The following WDR62 variants were observed in gnomAD, a reference collection of about 807,000 sequenced individuals.
WDR62 encodes the protein WD repeat-containing protein 62.
Under a neutral mutation model 160.6 loss-of-function variants are expected in WDR62, and 112 were observed. The ratio of observed to expected loss-of-function variants is 0.70; its 90% CI spans 0.60 to 0.82. The LOEUF is 0.82. Ranked by LOEUF, WDR62 falls within the 40% of genes least tolerant of loss-of-function variation. The pLI is 0.00. For missense variants in WDR62, 1,819 were observed against 1,983.8 expected, an observed-to-expected ratio of 0.92 and a Z score of 1.58; for synonymous variants, 792 against 815.1, an observed-to-expected ratio of 0.97 and a Z score of 0.48.
intron 3 of WDR62, among the ~76,000 whole-genome samples, chr19:36,063,714 T>A (rs1046982388): frequency 9.2e-5 from 14 of 152,364 alleles, no homozygotes; most frequent in Admixed American, 8.5e-4. Context: ...GGAGGTCTCC[T>A]ATGACTGGTG....
chr19:36,084,858 T>C lies in WDR62; in HGVS notation c.1642+114T>C, dbSNP rs376613959. 6 of 998,642 alleles carry C rather than the reference T, an allele frequency of 6.0e-6. No homozygotes were observed. In the East Asian group the frequency reaches 1.0e-4, roughly 17 times the overall value. 61.9% of individuals were successfully genotyped at this position (998,642 alleles called of 1,614,324 possible). A position where few individuals can be genotyped will look rare whatever the true frequency, so the allele number is the denominator to read the frequency against. On this transcript the variant is annotated intron_variant, in intron 12 of 31. Transcript: ENST00000401500. The stretch of plus-strand genomic sequence containing the variant: ...GGACTGTGGATGACAGCTGGGAGTT[T>C]TGTGTTCGGTAAGGGCCCCTGTAGC...
At chr19:36,098,962 C>T (rs1159702493) in intron 21 of WDR62, among the ~76,000 whole-genome samples, 3 of 152,138 alleles carry the variant, frequency 2.0e-5, no homozygotes, top group Non-Finnish European at 2.9e-5. Flanking sequence ...TGGCTCATGC[C>T]TGTAATCCCA....
intron 1 of WDR62, among the ~76,000 whole-genome samples, chr19:36,058,134 C>T (rs1171965259): frequency 6.6e-6 from 1 of 152,134 alleles, no homozygotes; most frequent in Non-Finnish European, 1.5e-5. Context: ...GGTGTATCAC[C>T]TGAGGTCAGG....
intron 25 of WDR62, 103 bp downstream of exon 25, chr19:36,101,877 G>C: frequency 6.5e-7 from 1 of 1,528,804 alleles, no homozygotes; most frequent in Non-Finnish European, 8.9e-7. Flanking sequence ...CACTGAGCCT[G>C]GAAGACGGGG....
At chr19:36,063,478 C>T (rs1041752803) in intron 3 of WDR62, among the ~76,000 whole-genome samples, 3 of 151,858 alleles carry the variant, frequency 2.0e-5, no homozygotes, top group Admixed American at 1.3e-4. Context: ...GTCACGAACT[C>T]CTGACCTCGT....
chr19:36,080,681 C>T (rs886254697), intron 9 of WDR62, among the ~76,000 whole-genome samples: 1 of 151,788 alleles, frequency 6.6e-6, no homozygotes, highest in Admixed American at 6.6e-5. Flanking sequence ...TCTCAAACTC[C>T]TGACCTCAGG....
rs146394160 is a variant in WDR62, at chr19:36,103,748, G to A, written c.3920G>A (p.Gly1307Glu). The A allele has an allele frequency of 2.5e-6, 4 of 1,611,294 alleles. No individual in the cohort carries two copies. The highest frequency in any genetic ancestry group is 3.4e-6 in the Non-Finnish European group (4 of 1,179,952). ...CTGACCCTGTCAAGTGCCTGTGATG[G>A]GCTCCTGCAGCCCCCCGTGGATACC... is the stretch of plus-strand genomic sequence containing the variant. ...LRLTLSSACD[G>E]LLQPPVDTQP... Residue 1307 changes from glycine to glutamate, a missense_variant, in exon 30 of 32, where the codon GGG becomes GAG. Physicochemically the swap from Gly to Glu is moderately conservative, Grantham distance 98. Transcript: ENST00000401500.
In WDR62 at chr19:36,066,291, TGGA is replaced by T. The variant is rs778884128; in HGVS notation, c.430_432del (p.Glu144del). ...AGGCCTGCTGTGCGCATCTGGGATG[TGGA>T]GGAGAAGAATCAGGTGGCGGAGATG... On this transcript the variant is annotated inframe_deletion, in exon 5 of 32. Coordinates refer to ENST00000401500, the MANE Select transcript of WDR62 (RefSeq NM_001083961.2). 6.8e-6 allele frequency: 11 copies of T among 1,614,074 alleles called. No homozygotes were observed. Among genetic ancestry groups the T allele is most frequent in the East Asian group, 6.7e-5 (3 of 44,898 alleles).
chr19:36,056,560 C>A (rs1319318209), intron 1 of WDR62, among the ~76,000 whole-genome samples: 1 of 152,182 alleles, frequency 6.6e-6, no homozygotes, highest in Non-Finnish European at 1.5e-5. Context: ...CTTCTCGAAC[C>A]CCATTCTAAA....
chr19:36,108,626 G>A (rs1358541289), downstream of WDR62, among the ~76,000 whole-genome samples: 1 of 152,150 alleles, frequency 6.6e-6, no homozygotes, highest in Non-Finnish European at 1.5e-5. Flanking sequence ...GCCAAGGCAG[G>A]CAGACGGTTT....
intron 7 of WDR62, among the ~76,000 whole-genome samples, chr19:36,070,011 TGGGGAG>T (rs1390473210): frequency 8.9e-6 from 1 of 112,108 alleles, no homozygotes; most frequent in Non-Finnish European, 1.9e-5. Flanking sequence ...AGGGAGACCG[TGGGGAG>T]AGGGAGAGGG....
At position 36,090,482 on chromosome 19, in the gene WDR62, T is replaced by C. The variant is rs1386417644; in HGVS notation, c.1996T>C (p.Tyr666His). ...TGTGAACGGGAAGCAGAAGAAGTGC[T>C]ACAAGGGCTCCCAGGGTGACGAAGG... is the stretch of plus-strand genomic sequence containing the variant. ...NTVNGKQKKC[Y>H]KGSQGDEGSL... Residue 666 changes from tyrosine to histidine, a missense_variant, in exon 16 of 32, where the codon TAC (tyrosine) becomes CAC (histidine). Physicochemically the swap from Tyr to His is moderately conservative, Grantham distance 83. Coordinates refer to ENST00000401500, the MANE Select transcript of WDR62 (RefSeq NM_001083961.2). The C allele has an allele frequency of 2.5e-6, 4 of 1,613,970 alleles. No homozygotes were observed. In the South Asian group the frequency reaches 3.3e-5, roughly 13 times the overall value.
intron 7 of WDR62, chr19:36,070,587 C>T (rs1271560025): frequency 6.6e-6 from 1 of 152,370 alleles, no homozygotes; most frequent in Admixed American, 6.5e-5. Context: ...TGTTCCTGGC[C>T]TGCCTTTGTG....
chr19:36,098,053 C>T (rs575134559), intron 21 of WDR62, among the ~76,000 whole-genome samples: 10 of 151,994 alleles, frequency 6.6e-5, no homozygotes, highest in African/African-American at 1.7e-4. Flanking sequence ...GTAAAAGCCA[C>T]GAGGCCAGGA....
At chr19:36,099,710 A>G in intron 22 of WDR62, 93 bp downstream of exon 22, 3 of 1,261,452 alleles carry the variant, frequency 2.4e-6, no homozygotes, top group South Asian at 2.5e-5. Flanking sequence ...CCATGGGGGC[A>G]GGGAGGATTA....
At chr19:36,059,944 G>A in intron 2 of WDR62, 24 bp from the exon 3 acceptor site, 1 of 1,613,866 alleles carries the variant, frequency 6.2e-7, no homozygotes, top group South Asian at 1.1e-5. Context: ...CACAGTTGAG[G>A]CACATTTTCC....
chr19:36,092,597 G>C, intron 18 of WDR62, 92 bp from the exon 19 acceptor site: 1 of 1,560,282 alleles, frequency 6.4e-7, no homozygotes, highest in Non-Finnish European at 8.8e-7. Flanking sequence ...TGGGGTCCAG[G>C]CTGTGGTGTG....
At chr19:36,058,691 G>A (rs1024881473) in intron 1 of WDR62, 89 bp from the exon 2 acceptor site, 13 of 973,288 alleles carry the variant, frequency 1.3e-5, no homozygotes, top group Non-Finnish European at 2.1e-5. Flanking sequence ...GGTGTTGAAT[G>A]TAGCAGGACC....
At chr19:36,075,722 A>T (rs909730585) in intron 9 of WDR62, among the ~76,000 whole-genome samples, 10 of 152,252 alleles carry the variant, frequency 6.6e-5, no homozygotes, top group African/African-American at 2.4e-4. Context: ...CTGGGATTAC[A>T]GGCGTGAGCC....
Sources: allele counts gnomAD v4.1 joint callset (sites outside exome capture counted in the v4.1 genomes callset), GRCh38; gene constraint gnomAD v4.1.1; transcripts MANE v1.5; gene names NCBI Gene and HGNC (gene_info 2026-07-23, HGNC 2026-07-21).